KCNQ1OT1: variants seen among roughly 807,000 people sequenced by gnomAD.
KCNQ1OT1 encodes the protein KCNQ1 opposite strand/antisense transcript 1.
exon 1 of KCNQ1OT1, chr11:2,665,524 C>G: frequency 2.5e-6 from 1 of 393,762 alleles, no homozygotes; most frequent in Non-Finnish European, 4.4e-6. Context: ...AACCTGCCAT[C>G]TAGAATGCCC....
At chr11:2,675,697 G>A in exon 1 of KCNQ1OT1, 1 of 398,682 alleles carries the variant, frequency 2.5e-6, no homozygotes, top group Non-Finnish European at 4.4e-6. Flanking sequence ...GCCTTTCCCT[G>A]TCAAAAACCT....
rs1348861880 is a variant in KCNQ1OT1, at chr11:2,676,266, C to T, written n.23729G>A. On this transcript the variant is annotated non_coding_transcript_exon_variant, in exon 1 of 1. Transcript: ENST00000597346. This position sits in a 1 kb window ranked among gnomAD's most constrained non-coding sequence, Gnocchi z 4.2. ...GTACATCTGAGAAGCATTTTTATTG[C>T]AAAATGTGTGTTTACATGTATACAG... The T allele has an allele frequency of 2.5e-6, 1 of 398,632 alleles. No individual in the cohort carries two copies. The allele number at this position is 398,632 out of a possible 1,614,324, so 24.7% of individuals were successfully genotyped here.
At chr11:2,625,361 T>G (rs7943674) in exon 1 of KCNQ1OT1, 8,978 of 398,518 alleles carry the variant, frequency 0.023, 586 homozygotes, top group African/African-American at 0.16. Flanking sequence ...GCTTAGGCTA[T>G]CCTCCCACCT....
At chr11:2,632,830 T>G in exon 1 of KCNQ1OT1, 1 of 398,440 alleles carries the variant, frequency 2.5e-6, no homozygotes. Context: ...TGATGGAGAT[T>G]TAAGTTGATT....
At chr11:2,614,296 T>C (rs1445669908) in exon 1 of KCNQ1OT1, 2 of 398,434 alleles carry the variant, frequency 5.0e-6, no homozygotes, top group Non-Finnish European at 8.8e-6. Flanking sequence ...TAATATAGAG[T>C]CTTCTTTTTC....
At position 2,653,706 on chromosome 11, in the gene KCNQ1OT1, A is replaced by G; in HGVS notation, n.46289T>C. The G allele has an allele frequency of 2.5e-6, 1 of 398,710 alleles. No homozygotes were observed. Among genetic ancestry groups the G allele is most frequent in the Non-Finnish European group, 4.4e-6 (1 of 226,096 alleles). The allele number at this position is 398,710 out of a possible 1,614,324, so 24.7% of individuals were successfully genotyped here. ...TCAGGAAGCCCAGCAGAACGAGGTCATCTCTTCCAGGATTCCTGCCAGAAT... is the reference window on the plus strand; with the variant it reads ...TCAGGAAGCCCAGCAGAACGAGGTCGTCTCTTCCAGGATTCCTGCCAGAAT... On this transcript the variant is annotated non_coding_transcript_exon_variant, in exon 1 of 1. Transcript: ENST00000597346. This position sits in a 1 kb window ranked among gnomAD's most constrained non-coding sequence, Gnocchi z 5.3.
At chr11:2,686,482 C>T in exon 1 of KCNQ1OT1, 2 of 398,718 alleles carry the variant, frequency 5.0e-6, no homozygotes, top group Admixed American at 4.4e-5. Context: ...CCAACAGATA[C>T]CCCCACCCTC....
At chr11:2,681,823 T>C in exon 1 of KCNQ1OT1, 1 of 398,494 alleles carries the variant, frequency 2.5e-6, no homozygotes, top group East Asian at 3.6e-5. Flanking sequence ...TATGGTCATA[T>C]CATCCATGCT....
At position 2,677,990 on chromosome 11, in the gene KCNQ1OT1, GT is replaced by G. The variant is rs1310627685; in HGVS notation, n.22004del. The G allele has an allele frequency of 1.3e-5, 5 of 394,148 alleles. No homozygotes were observed. Among genetic ancestry groups the G allele is most frequent in the African/African-American group, 4.3e-5 (2 of 46,596 alleles). 24.4% of individuals were successfully genotyped at this position (394,148 alleles called of 1,614,324 possible). A position where few individuals can be genotyped will look rare whatever the true frequency, so the allele number is the denominator to read the frequency against. ...TTACATTTCTTTTGTTGGAAATGAGGTTTTTATCTTTCCAAATGCTTAAAAT... is the reference window on the plus strand; with the variant it reads ...TTACATTTCTTTTGTTGGAAATGAGGTTTTATCTTTCCAAATGCTTAAAAT... On this transcript the variant is annotated non_coding_transcript_exon_variant, in exon 1 of 1. Coordinates refer to ENST00000597346, the Ensembl canonical transcript of KCNQ1OT1. The surrounding 1 kb of genome is among the most constrained non-coding windows in gnomAD (Gnocchi z 4.5).
rs377726462 is a variant in KCNQ1OT1, at chr11:2,666,167, C to T, written n.33828G>A. Reference sequence around the variant, plus strand: ...CATCTTAGATGGGCAAGCCCCAGCTCGAGGTTAACAGATACCGCCCTCAGT... The same window carrying T: ...CATCTTAGATGGGCAAGCCCCAGCTTGAGGTTAACAGATACCGCCCTCAGT... On this transcript the variant is annotated non_coding_transcript_exon_variant, in exon 1 of 1. Coordinates refer to ENST00000597346, the Ensembl canonical transcript of KCNQ1OT1. 235 of 398,632 alleles carry T rather than the reference C, an allele frequency of 5.9e-4. 2 individuals are homozygous for T. The South Asian group carries it at 0.018, about 30-fold the overall frequency. The allele number at this position is 398,632 out of a possible 1,614,324, so 24.7% of individuals were successfully genotyped here. A position where few individuals can be genotyped will look rare whatever the true frequency, so the allele number is the denominator to read the frequency against.
In KCNQ1OT1 at chr11:2,611,629, C is replaced by A. The variant is rs1229179913; in HGVS notation, n.88366G>T. On this transcript the variant is annotated non_coding_transcript_exon_variant, in exon 1 of 1. Coordinates refer to ENST00000597346, the Ensembl canonical transcript of KCNQ1OT1. This position sits in a 1 kb window ranked among gnomAD's most constrained non-coding sequence, Gnocchi z 5.3. ...GAATCTAGAATGTGACTCTTATAGA[C>A]CATATATATTTGGATCCTGCTTTTA... The A allele has an allele frequency of 2.5e-6, 1 of 398,520 alleles. No homozygotes were observed. Among genetic ancestry groups the A allele is most frequent in the African/African-American group, 2.1e-5 (1 of 48,734 alleles). The allele number at this position is 398,520 out of a possible 1,614,324, so 24.7% of individuals were successfully genotyped here.
exon 1 of KCNQ1OT1, chr11:2,666,040 A>G (rs1026800364): frequency 7.5e-6 from 3 of 398,552 alleles, no homozygotes; most frequent in African/African-American, 6.2e-5. Flanking sequence ...GATACCTGAG[A>G]TAGACGGCCC....
exon 1 of KCNQ1OT1, chr11:2,666,183 C>T (rs555575791): frequency 4.3e-5 from 17 of 398,592 alleles, no homozygotes; most frequent in Middle Eastern, 6.3e-4. Flanking sequence ...TAACAGATAC[C>T]GCCCTCAGTC....
rs1590019668 is a variant in KCNQ1OT1, at chr11:2,667,962, C to T, written n.32033G>A. 21 of 398,578 alleles carry T rather than the reference C, an allele frequency of 5.3e-5. No homozygotes were observed. The East Asian group carries it at 7.5e-4, about 14-fold the overall frequency. The allele number at this position is 398,578 out of a possible 1,614,324, so 24.7% of individuals were successfully genotyped here. ...AGGAAGCAACAGAACCCCCAGAAAG[C>T]CTCTCAGGCTCCCATTTCCTGTCAC... On this transcript the variant is annotated non_coding_transcript_exon_variant, in exon 1 of 1. Coordinates refer to ENST00000597346, the Ensembl canonical transcript of KCNQ1OT1.
At chr11:2,672,976 A>C (rs1850213765) in exon 1 of KCNQ1OT1, 1 of 398,664 alleles carries the variant, frequency 2.5e-6, no homozygotes, top group African/African-American at 2.1e-5. Context: ...AGTCCCCTGC[A>C]GGCCTTGCCT....
At chr11:2,688,460 G>A (rs1447659650) in exon 1 of KCNQ1OT1, 2 of 398,738 alleles carry the variant, frequency 5.0e-6, no homozygotes, top group East Asian at 7.1e-5. Context: ...TTTCACAGGA[G>A]AACACCACAC....
At chr11:2,675,570 C>T in exon 1 of KCNQ1OT1, 1 of 398,690 alleles carries the variant, frequency 2.5e-6, no homozygotes, top group African/African-American at 2.1e-5. Context: ...ACATACGTAA[C>T]AGTTTCACTT....
At chr11:2,693,215 A>T (rs1360052881) in exon 1 of KCNQ1OT1, 2 of 398,606 alleles carry the variant, frequency 5.0e-6, no homozygotes, top group Non-Finnish European at 8.8e-6. Flanking sequence ...CCCTTTTCTG[A>T]GAGGACCACA....
exon 1 of KCNQ1OT1, chr11:2,699,796 G>C (rs1040696052): frequency 3.0e-5 from 12 of 397,212 alleles, no homozygotes; most frequent in Non-Finnish European, 4.4e-5. Context: ...GCGCCGAGGG[G>C]CGCGCCGGGG....
Sources: gnomAD v4.1 joint callset for allele counts on GRCh38, gnomAD v4.1.1 for gene constraint, Gnocchi (gnomAD v3.1) non-coding constraint, MANE v1.5 for transcripts, NCBI Gene and HGNC (gene_info 2026-07-23, HGNC 2026-07-21) for gene names.